The following PTPN13 variants were observed in gnomAD, a reference collection of about 807,000 sequenced individuals.
PTPN13 encodes protein tyrosine phosphatase non-receptor type 13, also known as tyrosine-protein phosphatase non-receptor type 13.
Under a neutral mutation model 284.0 loss-of-function variants are expected in PTPN13, and 191 were observed. The ratio of observed to expected loss-of-function variants is 0.67; its 90% confidence interval spans 0.60 to 0.76. PTPN13 has a LOEUF of 0.76. Among genes scored for constraint, PTPN13 ranks in the 30% least tolerant of loss-of-function variants. The probability of loss-of-function intolerance (pLI) is 0.00; values close to 1 mark genes in which losing one functional copy is unlikely to be tolerated. For synonymous variants in PTPN13, 986 were observed against 1,022.3 expected (o/e 0.96, Z 0.68); for missense variants, 2,797 against 2,939.9 (o/e 0.95, Z 1.12).
chr4:86,688,648 AAC>A (rs1263284961), intron 4 of PTPN13, among the ~76,000 whole-genome samples: 1 of 152,092 alleles, frequency 6.6e-6, no homozygotes, highest in Admixed American at 6.6e-5. Context: ...AATATTAGGA[AAC>A]AGTTTATTCC....
rs576358332 is a variant in PTPN13 at position 86,672,358 on chromosome 4, A to G, written c.116-7A>G. 4 of 1,512,062 alleles carry G rather than the reference A, an allele frequency of 2.6e-6. No individual in the cohort carries two copies. The highest frequency in any genetic ancestry group is 2.6e-5 in the South Asian group (2 of 76,642). The allele number at this position is 1,512,062 out of a possible 1,614,324, so 93.7% of individuals were successfully genotyped here. A position where few individuals can be genotyped will look rare whatever the true frequency, so the allele number is the denominator to read the frequency against. On this transcript the variant is annotated splice_polypyrimidine_tract_variant and splice_region_variant and intron_variant, in intron 2 of 47. Coordinates refer to ENST00000411767, the MANE Select transcript of PTPN13 (RefSeq NM_080683.3). ...TTATTTTTTATTTTGGTGCAATTAC[A>G]AACCAGTAAGCCTAGCTGATCCTGC...
rs531554394 is a variant in PTPN13 at position 86,725,013 on chromosome 4, C to T, written c.1608+2579C>T. ...ACTTGGTGTGTGATGTTTCCCGCCC[C>T]GTGTCCATGTGTTCTCATTGTTCAT... On this transcript the variant is annotated intron_variant, in intron 10 of 47. Transcript: ENST00000411767. 5.3e-5 allele frequency among the ~76,000 whole-genome samples: 8 copies of T among 150,224 alleles called. No homozygotes were observed. In the East Asian group the frequency reaches 9.8e-4, roughly 18 times the overall value.
intron 37 of PTPN13, among the ~76,000 whole-genome samples, chr4:86,783,042 G>T (rs533985279): frequency 5.3e-5 from 8 of 152,070 alleles, no homozygotes; most frequent in Non-Finnish European, 8.8e-5. Flanking sequence ...AAAATACAGC[G>T]CTGAGGGATT....
chr4:86,697,056 A>C (rs902456361), intron 6 of PTPN13, among the ~76,000 whole-genome samples: 1 of 152,092 alleles, frequency 6.6e-6, no homozygotes, highest in African/African-American at 2.4e-5. Flanking sequence ...TCAGCAGCTA[A>C]TAGTCAACTG....
chr4:86,601,106 T>G (rs899360554), intron 1 of PTPN13, among the ~76,000 whole-genome samples: 1 of 152,138 alleles, frequency 6.6e-6, no homozygotes, highest in Admixed American at 6.5e-5. Flanking sequence ...TATGTGAATT[T>G]TCTAGTACTC....
At chr4:86,636,802 C>G (rs374798499) in intron 2 of PTPN13, among the ~76,000 whole-genome samples, 2 of 151,858 alleles carry the variant, frequency 1.3e-5, no homozygotes, top group African/African-American at 2.4e-5. Flanking sequence ...TCAAAAGCTA[C>G]CAGAAGGCAA....
chr4:86,783,738 C>A (rs1005245191), intron 37 of PTPN13, among the ~76,000 whole-genome samples: 15 of 151,978 alleles, frequency 9.9e-5, no homozygotes, highest in African/African-American at 2.9e-4. Flanking sequence ...AAAGCACAAC[C>A]TTTTATTTGT....
At chr4:86,779,098 G>A (rs1448204407) in intron 35 of PTPN13, among the ~76,000 whole-genome samples, 2 of 151,034 alleles carry the variant, frequency 1.3e-5, no homozygotes, top group African/African-American at 4.9e-5. Context: ...AAGAAAAACA[G>A]AGATAATATT....
intron 2 of PTPN13, among the ~76,000 whole-genome samples, chr4:86,665,261 C>T (rs1726940980): frequency 6.6e-6 from 1 of 152,084 alleles, no homozygotes; most frequent in Admixed American, 6.6e-5. Flanking sequence ...TGGCTAATGT[C>T]ATCATTAAGA....
intron 7 of PTPN13, among the ~76,000 whole-genome samples, chr4:86,705,371 G>C (rs1414819848): frequency 6.9e-6 from 1 of 145,456 alleles, no homozygotes. Flanking sequence ...CAAACGTGCA[G>C]CTTGTTAATA....
At position 86,771,506 on chromosome 4, in the gene PTPN13, A is replaced by G; in HGVS notation, c.5139A>G (p.Lys1713=). The change falls in exon 31 of 48, where the codon AAA becomes AAG. Residue 1713 remains lysine (K), a synonymous_variant. Transcript: ENST00000411767. ...GTACCATGTTTTACTATCCTCAGAAAATTCCCAATAAACCAGAGTTTGAGG... is the reference window on the plus strand; with the variant it reads ...GTACCATGTTTTACTATCCTCAGAAGATTCCCAATAAACCAGAGTTTGAGG... ...TICTMFYYPQ[K]IPNKPEFEDS... is the part of the protein sequence containing the mutation. The G allele has an allele frequency of 6.4e-7, 1 of 1,570,234 alleles. No individual in the cohort carries two copies. Among genetic ancestry groups the G allele is most frequent in the Non-Finnish European group, 8.7e-7 (1 of 1,155,106 alleles).
rs1331431095 is a variant in PTPN13, at chr4:86,801,506, A to AATTT, written c.6506-2203_6506-2202insATTT. On this transcript the variant is annotated intron_variant, in intron 42 of 47. Coordinates refer to ENST00000411767, the MANE Select transcript of PTPN13 (RefSeq NM_080683.3). ...CAGATTAGAATTTCAGTTACAGCTA[A>AATTT]GCATACTTGTAAAACTTTAGGACAG... Among the ~76,000 whole-genome samples, 35 of 152,356 alleles carry AATTT rather than the reference A, an allele frequency of 2.3e-4. No homozygotes were observed. The Middle Eastern group carries it at 0.01, about 44-fold the overall frequency.
chr4:86,679,139 C>T (rs1728613520), intron 3 of PTPN13, among the ~76,000 whole-genome samples: 1 of 152,202 alleles, frequency 6.6e-6, no homozygotes, highest in Non-Finnish European at 1.5e-5. Context: ...AGATATGCCA[C>T]ATACTTTCTT....
intron 6 of PTPN13, among the ~76,000 whole-genome samples, chr4:86,695,661 CT>C (rs1390012474): frequency 6.6e-6 from 1 of 151,760 alleles, no homozygotes; most frequent in Non-Finnish European, 1.5e-5. Context: ...TTTCTTTGCT[CT>C]CTCCACCTCC....
rs1405986766 is a variant in PTPN13 at position 86,807,618 on chromosome 4, T to G, written c.6804T>G (p.Ile2268Met). 6.2e-7 allele frequency: 1 copy of G among 1,613,936 alleles called. No individual in the cohort carries two copies. Among genetic ancestry groups the G allele is most frequent in the East Asian group, 2.2e-5 (1 of 44,886 alleles). Residue 2268 changes from isoleucine (I) to methionine (M), a missense_variant, in exon 45 of 48, where the codon ATT (isoleucine) becomes ATG (methionine). Ile to Met is a conservative substitution (Grantham distance 10). Transcript: ENST00000411767. The stretch of plus-strand genomic sequence containing the variant: ...GTGGCTATATCAATGCCAGCTTCAT[T>G]AAGATACCAGTTGGGAAAGAAGAGT... ...DEGGYINASFIKIPVGKEEFV... is the reference protein window; with the variant it reads ...DEGGYINASFMKIPVGKEEFV...
chr4:86,635,009 C>G (rs2148720646), intron 1 of PTPN13, among the ~76,000 whole-genome samples: 1 of 152,180 alleles, frequency 6.6e-6, no homozygotes, highest in East Asian at 1.9e-4. Flanking sequence ...GTCACCACCC[C>G]CATTCTCCAG....
intron 2 of PTPN13, among the ~76,000 whole-genome samples, chr4:86,655,337 C>T (rs1227663424): frequency 2.0e-5 from 3 of 152,046 alleles, no homozygotes; most frequent in African/African-American, 4.8e-5. Context: ...TTCCTAGCAT[C>T]GATGGTCTTT....
chr4:86,729,915 A>C (rs527575102), intron 10 of PTPN13, among the ~76,000 whole-genome samples: 5 of 149,930 alleles, frequency 3.3e-5, no homozygotes, highest in South Asian at 4.2e-4. Flanking sequence ...TTGGAGGAGA[A>C]GAAGCACTCT....
At chr4:86,604,005 T>C (rs1036196558) in intron 1 of PTPN13, among the ~76,000 whole-genome samples, 1 of 152,080 alleles carries the variant, frequency 6.6e-6, no homozygotes, top group Non-Finnish European at 1.5e-5. Context: ...TGAGTTATTG[T>C]TAACCTTTTA....
Sources: gnomAD v4.1 joint callset for allele counts (sites outside exome capture counted in the v4.1 genomes callset) on GRCh38, gnomAD v4.1.1 for gene constraint, MANE v1.5 for transcripts, NCBI Gene and HGNC (gene_info 2026-07-23, HGNC 2026-07-21) for gene names.